Variants in COL23A1 observed in about 807,000 individuals in gnomAD.
COL23A1 encodes collagen alpha-1(XXIII) chain.
A neutral mutation model predicts 99.3 loss-of-function variants in COL23A1; 97 were observed. The observed-to-expected ratio is 0.98, with a 90% CI of 0.83 to 1.16. COL23A1 has a LOEUF of 1.16. Ranked by LOEUF, COL23A1 falls within the 50% of genes most tolerant of loss-of-function variation. COL23A1 has a pLI of 0.00. For missense variants in COL23A1, 762 were observed against 757.4 expected (o/e 1.01, Z -0.07); for synonymous variants, 320 against 308.2 (o/e 1.04, Z -0.40).
At chr5:178,476,203 A>G (rs1221592177) in intron 2 of COL23A1, among the ~76,000 whole-genome samples, 1 of 152,174 alleles carries the variant, frequency 6.6e-6, no homozygotes, top group Non-Finnish European at 1.5e-5. Context: ...AGGCGTCATA[A>G]TAGGAAATGG....
intron 2 of COL23A1, among the ~76,000 whole-genome samples, chr5:178,331,112 A>C (rs933839249): frequency 6.6e-6 from 1 of 152,252 alleles, no homozygotes; most frequent in South Asian, 2.1e-4. Flanking sequence ...ACGAATGCCC[A>C]GTACAAAAGG....
rs1490204207 is a variant in COL23A1, at chr5:178,384,344, T to C, written c.362-77425A>G. The stretch of plus-strand genomic sequence containing the variant: ...CCTGGCGTTTTCTCATAAACCAGCT[T>C]TCACGAGGTGTTGGCTGCTCAGTCT... On this transcript the variant is annotated intron_variant, in intron 2 of 28. Coordinates refer to ENST00000390654, the MANE Select transcript of COL23A1 (RefSeq NM_173465.4). This position sits in a 1 kb window ranked among gnomAD's most constrained non-coding sequence, Gnocchi z 5.5. Among the ~76,000 whole-genome samples the C allele has an allele frequency of 6.6e-6, 1 of 152,214 alleles. No individual in the cohort carries two copies. Among genetic ancestry groups the C allele is most frequent in the Non-Finnish European group, 1.5e-5 (1 of 68,038 alleles).
intron 2 of COL23A1, among the ~76,000 whole-genome samples, chr5:178,515,134 G>C (rs190326403): frequency 6.6e-6 from 1 of 152,322 alleles, no homozygotes; most frequent in Admixed American, 6.5e-5. Flanking sequence ...ATGGGGAGGA[G>C]GGCACTGTGC....
chr5:178,516,185 T>C (rs507366), intron 2 of COL23A1, among the ~76,000 whole-genome samples: 6,700 of 152,208 alleles, frequency 0.044, 508 homozygotes, highest in African/African-American at 0.15. Flanking sequence ...CAGCCCAGTC[T>C]CTGAGAAACC....
rs1399747981 is a variant in COL23A1, at chr5:178,365,491, T to A, written c.362-58572A>T. Among the ~76,000 whole-genome samples the A allele has an allele frequency of 6.6e-6, 1 of 151,900 alleles. No individual in the cohort carries two copies. The highest frequency in any genetic ancestry group is 1.5e-5 in the Non-Finnish European group (1 of 67,960). On this transcript the variant is annotated intron_variant, in intron 2 of 28. Transcript: ENST00000390654. The surrounding 1 kb of genome is among the most constrained non-coding windows in gnomAD (Gnocchi z 5.2). ...CTTTTGACGGGTACCCGCCACCCAA[T>A]CCCTCTTTCTTCTGATGTCGACAGG...
At chr5:178,431,626 G>T (rs1405397592) in intron 2 of COL23A1, among the ~76,000 whole-genome samples, 1 of 152,240 alleles carries the variant, frequency 6.6e-6, no homozygotes, top group South Asian at 2.1e-4. Flanking sequence ...GCCAAGGAAC[G>T]CTGGCAGCGG....
rs1326135650 is a variant in COL23A1 at position 178,281,467 on chromosome 5, G to C, written c.441+6857C>G. 1.3e-5 allele frequency among the ~76,000 whole-genome samples: 2 copies of C among 152,160 alleles called. No individual in the cohort carries two copies. Among genetic ancestry groups the C allele is most frequent in the Non-Finnish European group, 2.9e-5 (2 of 68,030 alleles). ...GGGGCCCCGGCTGTCGCTGCTCCCA[G>C]GACTGAGGCCGGAGATGAAGTGCAG... On this transcript the variant is annotated intron_variant, in intron 5 of 28. Coordinates refer to ENST00000390654, the MANE Select transcript of COL23A1 (RefSeq NM_173465.4). The surrounding 1 kb of genome is among the most constrained non-coding windows in gnomAD (Gnocchi z 4.0).
intron 2 of COL23A1, among the ~76,000 whole-genome samples, chr5:178,560,120 A>G (rs1367366318): frequency 6.6e-6 from 1 of 152,240 alleles, no homozygotes; most frequent in Non-Finnish European, 1.5e-5. Flanking sequence ...GTGGATTAGA[A>G]GTCAACAATT....
intron 2 of COL23A1, among the ~76,000 whole-genome samples, chr5:178,490,617 C>A (rs963017367): frequency 2.0e-5 from 3 of 151,848 alleles, no homozygotes; most frequent in African/African-American, 7.3e-5. Context: ...AAAAAAAAAT[C>A]TTTAAAAAAA....
rs1757761205 is a variant in COL23A1, at chr5:178,488,663, T to C, written c.361+72019A>G. On this transcript the variant is annotated intron_variant, in intron 2 of 28. Transcript: ENST00000390654. ...CGGTGCGTGGAGTTTGAAGCACACA[T>C]ATATGCCTATGACTCTTTAAAAAAA... Among the ~76,000 whole-genome samples, 7 of 149,874 alleles carry C rather than the reference T, an allele frequency of 4.7e-5. 1 individual carries two copies. In the South Asian group the frequency reaches 1.5e-3, roughly 32 times the overall value.
chr5:178,439,775 T>C lies in COL23A1; in HGVS notation c.361+120907A>G, dbSNP rs1235151496. 1 of 152,198 alleles carries C rather than the reference T, an allele frequency of 6.6e-6. No individual in the cohort carries two copies. Among genetic ancestry groups the C allele is most frequent in the African/African-American group, 2.4e-5 (1 of 41,436 alleles). The allele number at this position is 152,198 out of a possible 1,614,324, so 9.4% of individuals were successfully genotyped here. A position where few individuals can be genotyped will look rare whatever the true frequency, so the allele number is the denominator to read the frequency against. On this transcript the variant is annotated intron_variant, in intron 2 of 28. Transcript: ENST00000390654. The surrounding 1 kb of genome is among the most constrained non-coding windows in gnomAD (Gnocchi z 4.2). ...ATGCTCATAGAAGCGTTCTTCAAAA[T>C]AGCCCCAAACTGGAAACAATCCAAG... is the stretch of plus-strand genomic sequence containing the variant.
In COL23A1 at chr5:178,564,996, C is replaced by G. The variant is rs1267212188; in HGVS notation, c.295-4248G>C. On this transcript the variant is annotated intron_variant, in intron 1 of 28. Transcript: ENST00000390654. The stretch of plus-strand genomic sequence containing the variant: ...TTTATGCAGAAGTTGCACCGTAAAA[C>G]AGTGGGAATGGTTTAGTGAAAGATG... Among the ~76,000 whole-genome samples the G allele has an allele frequency of 2.0e-5, 3 of 152,186 alleles. No homozygotes were observed. The East Asian group carries it at 5.8e-4, about 29-fold the overall frequency.
chr5:178,239,372 G>A (rs1764272220), intron 27 of COL23A1, among the ~76,000 whole-genome samples, 193 bp from the exon 28 acceptor site: 1 of 152,326 alleles, frequency 6.6e-6, no homozygotes, highest in East Asian at 1.9e-4. Context: ...CATGGGGAAC[G>A]ACGGCCTCTC....
At chr5:178,527,842 G>C (rs371317298) in intron 2 of COL23A1, among the ~76,000 whole-genome samples, 2 of 152,212 alleles carry the variant, frequency 1.3e-5, no homozygotes, top group East Asian at 3.9e-4. Flanking sequence ...GCAGCGTCTT[G>C]TTCCTCAGAT....
chr5:178,354,854 C>T (rs149858680), intron 2 of COL23A1, among the ~76,000 whole-genome samples: 3,286 of 152,084 alleles, frequency 0.022, 41 homozygotes, highest in Non-Finnish European at 0.024. Flanking sequence ...CTCAGGAGTT[C>T]GAAACCAGCC....
At chr5:178,575,144 G>A (rs1763284089) in intron 1 of COL23A1, among the ~76,000 whole-genome samples, 1 of 152,054 alleles carries the variant, frequency 6.6e-6, no homozygotes, top group African/African-American at 2.4e-5. Context: ...CCTTATGAGT[G>A]CTGCAGAAAT....
rs1362313613 is a variant in COL23A1 at position 178,518,652 on chromosome 5, T to C, written c.361+42030A>G. Among the ~76,000 whole-genome samples, 505 of 106,630 alleles carry C rather than the reference T, an allele frequency of 4.7e-3. 1 individual carries two copies. Among genetic ancestry groups the C allele is most frequent in the Middle Eastern group, 0.027 (5 of 182 alleles). 70.0% of individuals were successfully genotyped at this position (106,630 alleles called of 152,430 possible). A position where few individuals can be genotyped will look rare whatever the true frequency, so the allele number is the denominator to read the frequency against. ...CCGGGCAGAGACGCTCCTCACTTCC[T>C]AGATGGGATGGCGGCCGGGCGGAGA... On this transcript the variant is annotated intron_variant, in intron 2 of 28. Coordinates refer to ENST00000390654, the MANE Select transcript of COL23A1 (RefSeq NM_173465.4).
intron 5 of COL23A1, among the ~76,000 whole-genome samples, chr5:178,277,927 T>A (rs1417918383): frequency 6.6e-6 from 1 of 152,078 alleles, no homozygotes; most frequent in African/African-American, 2.4e-5. Context: ...GGATGGAGGA[T>A]GGGACCGGCG....
At chr5:178,282,688 G>A (rs1005530076) in intron 5 of COL23A1, among the ~76,000 whole-genome samples, 1 of 152,244 alleles carries the variant, frequency 6.6e-6, no homozygotes, top group East Asian at 1.9e-4. Context: ...ATGGTGAGAC[G>A]GCATGCATGA....
Sources: gnomAD v4.1 joint callset for allele counts (sites outside exome capture counted in the v4.1 genomes callset) on GRCh38, gnomAD v4.1.1 for gene constraint, Gnocchi (gnomAD v3.1) non-coding constraint, MANE v1.5 for transcripts, NCBI Gene and HGNC (gene_info 2026-07-23, HGNC 2026-07-21) for gene names.